SYT1: variants seen among roughly 807,000 people sequenced by gnomAD.
SYT1 encodes synaptotagmin-1.
SYT1 carries 8 observed loss-of-function variants against 44.8 expected under a neutral mutation model. That is an observed-to-expected ratio of 0.18 (90% CI 0.10 to 0.32). The LOEUF (loss-of-function observed/expected upper bound fraction) is 0.32. SYT1 is among the 10% of genes least tolerant of loss of function. The pLI, the probability that SYT1 is intolerant of heterozygous loss-of-function variation, is 1.00. For missense variants in SYT1, 286 were observed against 509.3 expected, an observed-to-expected ratio of 0.56 and a Z score of 4.22; for synonymous variants, 154 against 188.8, an observed-to-expected ratio of 0.82 and a Z score of 1.51.
intron 4 of SYT1, among the ~76,000 whole-genome samples, chr12:79,250,956 AGCTC>A (rs1565875816): frequency 6.6e-6 from 1 of 152,184 alleles, no homozygotes; most frequent in African/African-American, 2.4e-5. Context: ...CTAGTGGAGC[AGCTC>A]AGCATAAAGT....
chr12:79,032,784 C>T (rs1872904365), intron 2 of SYT1, among the ~76,000 whole-genome samples: 1 of 151,242 alleles, frequency 6.6e-6, no homozygotes, highest in Admixed American at 6.6e-5. Context: ...AAGACAGTTT[C>T]TTTTCAAAAG....
intron 1 of SYT1, among the ~76,000 whole-genome samples, chr12:78,895,923 A>G (rs1186993054): frequency 6.6e-6 from 1 of 151,746 alleles, no homozygotes; most frequent in Non-Finnish European, 1.5e-5. Flanking sequence ...GAGAAACGTA[A>G]GGACAGGAGA....
At chr12:79,002,172 A>T (rs1870781345) in intron 2 of SYT1, among the ~76,000 whole-genome samples, 1 of 152,144 alleles carries the variant, frequency 6.6e-6, no homozygotes, top group Non-Finnish European at 1.5e-5. Context: ...ATTTTATTAT[A>T]GACTTACTAC....
At position 79,071,483 on chromosome 12, in the gene SYT1, A is replaced by G. The variant is rs545172995; in HGVS notation, c.-18+24121A>G. On this transcript the variant is annotated intron_variant, in intron 3 of 10. Transcript: ENST00000261205. Reference sequence around the variant, plus strand: ...ACACTACTATAGATCAGAAAACTGTATCCCAAAGCCTAAATGTGGTTAAAT... The same window carrying G: ...ACACTACTATAGATCAGAAAACTGTGTCCCAAAGCCTAAATGTGGTTAAAT... Among the ~76,000 whole-genome samples, 3 of 152,322 alleles carry G rather than the reference A, an allele frequency of 2.0e-5. No homozygotes were observed. The South Asian group carries it at 6.2e-4, about 32-fold the overall frequency.
chr12:79,438,012 A>G (rs1870190552), intron 9 of SYT1, among the ~76,000 whole-genome samples: 1 of 152,188 alleles, frequency 6.6e-6, no homozygotes, highest in Admixed American at 6.5e-5. Context: ...CAGGAAGGGT[A>G]CTGTGGAAAC....
chr12:78,978,898 T>C (rs1470562940), intron 2 of SYT1, among the ~76,000 whole-genome samples: 1 of 152,200 alleles, frequency 6.6e-6, no homozygotes, highest in Non-Finnish European at 1.5e-5. Flanking sequence ...TATATATTCC[T>C]ATAAAATTAA....
At chr12:78,907,817 A>G (rs1377880318) in intron 1 of SYT1, among the ~76,000 whole-genome samples, 1 of 152,076 alleles carries the variant, frequency 6.6e-6, no homozygotes, top group African/African-American at 2.4e-5. Context: ...CATCAAAACC[A>G]CAAGTTCTTA....
rs141579344 is a variant in SYT1 at position 78,877,040 on chromosome 12, T to C, written c.-217+11931T>C. On this transcript the variant is annotated intron_variant, in intron 1 of 10. Transcript: ENST00000261205. Reference sequence around the variant, plus strand: ...ATTTTTATCATCTCTGACTCTTCAGTACCTGAAAGATATTAAGGAGTGAAT... The same window carrying C: ...ATTTTTATCATCTCTGACTCTTCAGCACCTGAAAGATATTAAGGAGTGAAT... 1.4e-3 allele frequency among the ~76,000 whole-genome samples: 198 copies of C among 143,732 alleles called. 3 individuals are homozygous for C. In the East Asian group the frequency reaches 0.031, roughly 23 times the overall value. The allele number at this position is 143,732 out of a possible 152,430, so 94.3% of individuals were successfully genotyped here. A position where few individuals can be genotyped will look rare whatever the true frequency, so the allele number is the denominator to read the frequency against.
At chr12:78,881,201 A>G (rs949014889) in intron 1 of SYT1, among the ~76,000 whole-genome samples, 3 of 151,418 alleles carry the variant, frequency 2.0e-5, no homozygotes, top group Non-Finnish European at 4.4e-5. Flanking sequence ...GTCACCCCCA[A>G]ATACTTCCCT....
At chr12:79,416,120 T>C (rs1366826523) in intron 9 of SYT1, among the ~76,000 whole-genome samples, 1 of 152,108 alleles carries the variant, frequency 6.6e-6, no homozygotes, top group Non-Finnish European at 1.5e-5. Flanking sequence ...AACATTCTAT[T>C]GAGAAGAAAA....
At chr12:79,301,793 C>G (rs1299543342) in intron 8 of SYT1, among the ~76,000 whole-genome samples, 1 of 152,066 alleles carries the variant, frequency 6.6e-6, no homozygotes, top group Non-Finnish European at 1.5e-5. Context: ...TATCATTACA[C>G]TCGTAAAACT....
At chr12:79,311,139 T>C (rs563897205) in intron 8 of SYT1, among the ~76,000 whole-genome samples, 1,615 of 152,332 alleles carry the variant, frequency 0.011, 31 homozygotes, top group African/African-American at 0.037. Context: ...CAGTATGATA[T>C]TGGCTGTGGG....
At chr12:79,352,195 CCA>C (rs1491221463) in intron 8 of SYT1, among the ~76,000 whole-genome samples, 31 of 140,626 alleles carry the variant, frequency 2.2e-4, no homozygotes, top group African/African-American at 7.3e-4. Context: ...CACCCCCCCC[CCA>C]AAAAAAAAAC....
intron 3 of SYT1, among the ~76,000 whole-genome samples, chr12:79,050,627 T>C (rs7308345): frequency 0.014 from 2,122 of 152,014 alleles, 52 homozygotes; most frequent in African/African-American, 0.047. Flanking sequence ...AAACTGGGAG[T>C]TGATACACTC....
chr12:79,144,078 C>T (rs768641396), intron 3 of SYT1, among the ~76,000 whole-genome samples: 3 of 152,166 alleles, frequency 2.0e-5, no homozygotes, highest in Non-Finnish European at 4.4e-5. Context: ...AATGGCACAT[C>T]CATCCTCACC....
In SYT1 at chr12:78,934,220, C is replaced by A. The variant is rs138121221; in HGVS notation, c.-216-43579C>A. On this transcript the variant is annotated intron_variant, in intron 1 of 10. Transcript: ENST00000261205. ...ACCTGTTGATATGGTCTGGCTGTGTCCCCATCCAAATCTCACCTTGAATAA... is the reference window on the plus strand; with the variant it reads ...ACCTGTTGATATGGTCTGGCTGTGTACCCATCCAAATCTCACCTTGAATAA... Among the ~76,000 whole-genome samples, 238 of 151,784 alleles carry A rather than the reference C, an allele frequency of 1.6e-3. 2 individuals carry two copies. Among genetic ancestry groups the A allele is most frequent in the African/African-American group, 5.5e-3 (227 of 41,366 alleles).
intron 2 of SYT1, among the ~76,000 whole-genome samples, chr12:79,044,102 G>A (rs1181416045): frequency 1.3e-5 from 2 of 151,858 alleles, no homozygotes; most frequent in Non-Finnish European, 2.9e-5. Context: ...ACAATTATGT[G>A]TCTTGGAGTT....
intron 9 of SYT1, among the ~76,000 whole-genome samples, chr12:79,438,577 C>T (rs1206951676): frequency 6.6e-6 from 1 of 152,260 alleles, no homozygotes; most frequent in African/African-American, 2.4e-5. Context: ...TCAGAAGGGG[C>T]TGCCCATTTG....
At chr12:79,438,163 A>G (rs896785006) in intron 9 of SYT1, among the ~76,000 whole-genome samples, 6 of 152,158 alleles carry the variant, frequency 3.9e-5, no homozygotes, top group African/African-American at 1.4e-4. Context: ...ATAGCATGGT[A>G]GGTGATGGAG....
Sources: gnomAD v4.1 joint callset for allele counts (sites outside exome capture counted in the v4.1 genomes callset) on GRCh38, gnomAD v4.1.1 for gene constraint, MANE v1.5 for transcripts, NCBI Gene and HGNC (gene_info 2026-07-23, HGNC 2026-07-21) for gene names.